Variants in ABCB5 observed in about 807,000 individuals in gnomAD.
ABCB5 encodes ATP-binding cassette sub-family B member 5.
ABCB5 carries 155 observed loss-of-function variants against 144.2 expected under a neutral mutation model. The ratio of observed to expected loss-of-function variants is 1.08; its 90% CI spans 0.94 to 1.23. The LOEUF (loss-of-function observed/expected upper bound fraction) is 1.23. ABCB5 is among the 50% of genes most tolerant of loss of function. The pLI is 0.00. For synonymous variants in ABCB5, 610 were observed against 528.6 expected, an observed-to-expected ratio of 1.15 and a Z score of -2.11; for missense variants, 1,830 against 1,520.8, an observed-to-expected ratio of 1.20 and a Z score of -3.38.
At position 20,679,794 on chromosome 7, in the gene ABCB5, G is replaced by A. The variant is rs1373153360; in HGVS notation, c.1708-1711G>A. 2.6e-5 allele frequency among the ~76,000 whole-genome samples: 4 copies of A among 152,234 alleles called. No individual in the cohort carries two copies. The East Asian group carries it at 7.7e-4, about 29-fold the overall frequency. ...CTTAGTCAGAATATAGAGCAACCATGGCTCTCTTGCACTATTGGGGGGTTT... is the reference window on the plus strand; with the variant it reads ...CTTAGTCAGAATATAGAGCAACCATAGCTCTCTTGCACTATTGGGGGGTTT... On this transcript the variant is annotated intron_variant, in intron 14 of 27. Coordinates refer to ENST00000404938, the MANE Select transcript of ABCB5 (RefSeq NM_001163941.2).
At chr7:20,629,772 AAAG>A (rs1305190563) in intron 4 of ABCB5, among the ~76,000 whole-genome samples, 5 of 151,164 alleles carry the variant, frequency 3.3e-5, no homozygotes, top group Non-Finnish European at 7.4e-5. Flanking sequence ...CAAAGAAAAA[AAAG>A]AAGGAGAAGG....
intron 1 of ABCB5, among the ~76,000 whole-genome samples, chr7:20,617,400 T>C (rs931058226): frequency 6.6e-6 from 1 of 152,216 alleles, no homozygotes; most frequent in Non-Finnish European, 1.5e-5. Context: ...AGAGGTCCTT[T>C]GACAATACTT....
At chr7:20,617,717 A>T (rs1433738566) in intron 1 of ABCB5, among the ~76,000 whole-genome samples, 1 of 152,210 alleles carries the variant, frequency 6.6e-6, no homozygotes, top group African/African-American at 2.4e-5. Context: ...TGCTGTCAAT[A>T]AGAGAATCAT....
chr7:20,658,656 G>A lies in ABCB5; in HGVS notation c.1687G>A (p.Val563Ile). The change falls in exon 14 of 28, where the codon GTT becomes ATT. Residue 563 changes from valine (V) to isoleucine (I), a missense_variant. Val to Ile is a conservative substitution (Grantham distance 29). Coordinates refer to ENST00000404938, the MANE Select transcript of ABCB5 (RefSeq NM_001163941.2). The part of the protein sequence containing the change: ...SALDSESKSA[V>I]QAALEKASKG... ...CCTGGATTCAGAAAGCAAGTCAGCT[G>A]TTCAAGCTGCACTGGAGAAGGTAAG... The A allele has an allele frequency of 1.2e-6, 2 of 1,614,112 alleles. No homozygotes were observed.
chr7:20,697,652 G>C (rs1786466670), intron 16 of ABCB5, among the ~76,000 whole-genome samples: 3 of 152,164 alleles, frequency 2.0e-5, no homozygotes, highest in Admixed American at 2.0e-4. Flanking sequence ...TGCTTTCTCT[G>C]TATAAAACCT....
chr7:20,700,738 G>A (rs189134679), intron 19 of ABCB5, among the ~76,000 whole-genome samples: 1 of 152,296 alleles, frequency 6.6e-6, no homozygotes, highest in East Asian at 1.9e-4. Flanking sequence ...TGGAAGGAAT[G>A]TCTCAGACTG....
At chr7:20,626,677 A>G in intron 3 of ABCB5, 66 bp downstream of exon 3, 1 of 1,302,042 alleles carries the variant, frequency 7.7e-7, no homozygotes, top group Non-Finnish European at 1.0e-6. Context: ...TAGTGCATAG[A>G]AGATTGTGTT....
At chr7:20,666,247 A>G (rs1252506423) in intron 14 of ABCB5, among the ~76,000 whole-genome samples, 1 of 152,044 alleles carries the variant, frequency 6.6e-6, no homozygotes, top group Non-Finnish European at 1.5e-5. Flanking sequence ...CCCAAATCCA[A>G]CTGAGGCAAC....
intron 11 of ABCB5, among the ~76,000 whole-genome samples, chr7:20,648,402 C>T (rs758705977): frequency 3.9e-5 from 6 of 152,176 alleles, no homozygotes; most frequent in Non-Finnish European, 5.9e-5. Flanking sequence ...ACTCAACATA[C>T]TCATTTTAAC....
In ABCB5 at chr7:20,755,662, T is replaced by A; in HGVS notation, c.*38T>A. ...AGCACATATTTTGATGTTCGTGTAATGCAAAGAAGGAGTACTTAATAATTA... is the reference window on the plus strand; with the variant it reads ...AGCACATATTTTGATGTTCGTGTAAAGCAAAGAAGGAGTACTTAATAATTA... On this transcript the variant is annotated 3_prime_UTR_variant, in exon 28 of 28. Transcript: ENST00000404938. 1 of 1,589,400 alleles carries A rather than the reference T, an allele frequency of 6.3e-7. No homozygotes were observed.
intron 10 of ABCB5, 123 bp from the exon 11 acceptor site, chr7:20,647,845 A>G (rs1784456547): frequency 1.8e-6 from 2 of 1,085,978 alleles, no homozygotes; most frequent in African/African-American, 1.6e-5. Context: ...GTCTAACTCA[A>G]TGCACTTCTA....
intron 14 of ABCB5, among the ~76,000 whole-genome samples, chr7:20,677,881 C>G (rs1785666824): frequency 6.6e-6 from 1 of 152,152 alleles, no homozygotes; most frequent in Admixed American, 6.5e-5. Flanking sequence ...TGTCAATGAT[C>G]AAGACCAGCT....
At chr7:20,718,363 A>C (rs1028665532) in intron 20 of ABCB5, among the ~76,000 whole-genome samples, 6 of 152,200 alleles carry the variant, frequency 3.9e-5, no homozygotes, top group Admixed American at 6.5e-5. Flanking sequence ...TTATATGCCA[A>C]ATGGCATCCC....
chr7:20,681,560 G>A lies in ABCB5; in HGVS notation c.1763G>A (p.Ser588Asn), dbSNP rs564372775. ...VVAHRLSTIRSADLIVTLKDG... is the reference protein window; with the variant it reads ...VVAHRLSTIRNADLIVTLKDG... ...GCACACCGACTTTCTACTATTCGAA[G>A]TGCAGATTTGATTGTGACCCTAAAG... Residue 588 changes from serine (S) to asparagine (N), a missense_variant, in exon 15 of 28, where the codon AGT (serine) becomes AAT (asparagine). By Grantham distance (46) the Ser-to-Asn change is conservative. Transcript: ENST00000404938. 1.2e-6 allele frequency: 2 copies of A among 1,614,198 alleles called. No individual in the cohort carries two copies. The highest frequency in any genetic ancestry group is 2.2e-5 in the South Asian group (2 of 91,084).
intron 12 of ABCB5, among the ~76,000 whole-genome samples, chr7:20,650,922 G>A (rs757311450): frequency 6.6e-6 from 1 of 152,190 alleles, no homozygotes; most frequent in African/African-American, 2.4e-5. Flanking sequence ...CTTCTGTCAC[G>A]GGAATATGTT....
At position 20,658,394 on chromosome 7, in the gene ABCB5, C is replaced by T. The variant is rs909711137; in HGVS notation, c.1537-112C>T. The T allele has an allele frequency of 8.0e-5, 75 of 938,928 alleles. No homozygotes were observed. In the Middle Eastern group the frequency reaches 1.3e-3, roughly 16 times the overall value. The allele number at this position is 938,928 out of a possible 1,614,324, so 58.2% of individuals were successfully genotyped here. A position where few individuals can be genotyped will look rare whatever the true frequency, so the allele number is the denominator to read the frequency against. Reference sequence around the variant, plus strand: ...ATCAAAAGACATAAGCACCCAGAGGCTGAAGTACTGATTAAGCTGATATTA... The same window carrying T: ...ATCAAAAGACATAAGCACCCAGAGGTTGAAGTACTGATTAAGCTGATATTA... On this transcript the variant is annotated intron_variant, in intron 13 of 27. Transcript: ENST00000404938.
At chr7:20,727,860 C>CT (rs11459641) in intron 22 of ABCB5, among the ~76,000 whole-genome samples, 57,327 of 152,110 alleles carry the variant, frequency 0.38, 11,573 homozygotes, top group East Asian at 0.67. Flanking sequence ...CTTAGTGATG[C>CT]TTTTTATATT....
At chr7:20,626,417 TAA>T in intron 2 of ABCB5, 138 bp from the exon 3 acceptor site, 2 of 639,500 alleles carry the variant, frequency 3.1e-6, no homozygotes, top group Non-Finnish European at 5.2e-6. Flanking sequence ...TGTCTATCAT[TAA>T]GTTTATTTTT....
intron 27 of ABCB5, among the ~76,000 whole-genome samples, chr7:20,754,539 G>A (rs758005132): frequency 1.3e-5 from 2 of 152,120 alleles, no homozygotes; most frequent in Non-Finnish European, 2.9e-5. Context: ...CAACAAATAT[G>A]GGTTTTCACC....
Sources: gnomAD v4.1 joint callset for allele counts (sites outside exome capture counted in the v4.1 genomes callset) on GRCh38, gnomAD v4.1.1 for gene constraint, MANE v1.5 for transcripts, NCBI Gene and HGNC (gene_info 2026-07-23, HGNC 2026-07-21) for gene names.